GPR180: variants seen among roughly 807,000 people sequenced by gnomAD.
GPR180 encodes G protein-coupled receptor 180.
A neutral mutation model predicts 52.6 loss-of-function variants in GPR180; 53 were observed. That is an observed-to-expected ratio of 1.01 (90% CI 0.81 to 1.27). GPR180 has a LOEUF of 1.27. Ranked by LOEUF, GPR180 falls within the 50% of genes most tolerant of loss-of-function variation. The pLI is 0.00. For synonymous variants in GPR180, 200 were observed against 193.1 expected (o/e 1.04, Z -0.30); for missense variants, 533 against 527.0 (o/e 1.01, Z -0.11).
Position 94,634,472 on chromosome 13 carries a change from T to C in GPR180, c.*7301T>C, listed in dbSNP as rs1890039261. The C allele has an allele frequency of 6.6e-6, 1 of 152,140 alleles. No homozygotes were observed. Among genetic ancestry groups the C allele is most frequent in the Non-Finnish European group, 1.5e-5 (1 of 68,012 alleles). 9.4% of individuals were successfully genotyped at this position (152,140 alleles called of 1,614,324 possible). On this transcript the variant is annotated 3_prime_UTR_variant, in exon 9 of 9. Transcript: ENST00000376958. ...CAATCACCTTTTAAAGACTTCTTTA[T>C]ATAGCTCTTGTACATTTCTTGATAT...
rs1489648675 is a variant in GPR180, at chr13:94,631,690, C to A, written c.*4519C>A. The A allele has an allele frequency of 6.6e-6, 1 of 150,408 alleles. No homozygotes were observed. The highest frequency in any genetic ancestry group is 1.5e-5 in the Non-Finnish European group (1 of 67,786). The allele number at this position is 150,408 out of a possible 1,614,324, so 9.3% of individuals were successfully genotyped here. A position where few individuals can be genotyped will look rare whatever the true frequency, so the allele number is the denominator to read the frequency against. ...GAAAAAGTTCCAAATCTGTACTTAA[C>A]AGTGTAGTATTAATTATGTAATAGA... On this transcript the variant is annotated 3_prime_UTR_variant, in exon 9 of 9. Transcript: ENST00000376958.
At chr13:94,611,316 T>C (rs1470592757) in intron 2 of GPR180, among the ~76,000 whole-genome samples, 2 of 152,280 alleles carry the variant, frequency 1.3e-5, no homozygotes. Context: ...ATACATAGTT[T>C]TTAGATATAA....
rs773196550 is a variant in GPR180, at chr13:94,626,026, G to T, written c.1147G>T (p.Asp383Tyr). The stretch of plus-strand genomic sequence containing the variant: ...TGCATGCATTTCTGTCATTTTTAGC[G>T]ACTACCAAAGAGACAAGGTAAGAAA... Reference protein sequence around the residue: ...VLACISVIFSDYQRDKVITIG... With the variant: ...VLACISVIFSYYQRDKVITIG... The change falls in exon 8 of 9, where the codon GAC becomes TAC. Residue 383 changes from aspartate (D) to tyrosine (Y), a missense_variant. Transcript: ENST00000376958. The T allele has an allele frequency of 6.2e-7, 1 of 1,608,662 alleles. No individual in the cohort carries two copies.
intron 3 of GPR180, among the ~76,000 whole-genome samples, chr13:94,617,986 A>AAAAGATGGCAC (rs568923026): frequency 2.0e-5 from 3 of 152,210 alleles, no homozygotes; most frequent in African/African-American, 7.2e-5. Flanking sequence ...ATGGAGACTC[A>AAAAGATGGCAC]GTCAAAAGAT....
intron 3 of GPR180, among the ~76,000 whole-genome samples, chr13:94,615,209 T>C (rs1373982860): frequency 1.3e-5 from 2 of 152,226 alleles, no homozygotes; most frequent in Non-Finnish European, 2.9e-5. Context: ...TGTTTTAAAA[T>C]ACAGCCTTAA....
At chr13:94,619,829 T>G (rs1197026060) in intron 5 of GPR180, among the ~76,000 whole-genome samples, 1 of 152,168 alleles carries the variant, frequency 6.6e-6, no homozygotes, top group Non-Finnish European at 1.5e-5. Context: ...GTGATCCTCC[T>G]GCCTCAGGCC....
rs748137363 is a variant in GPR180 at position 94,601,986 on chromosome 13, G to A, written c.59G>A (p.Ser20Asn). 1.3e-6 allele frequency: 2 copies of A among 1,495,262 alleles called. No individual in the cohort carries two copies. The highest frequency in any genetic ancestry group is 1.8e-6 in the Non-Finnish European group (2 of 1,127,886). The allele number at this position is 1,495,262 out of a possible 1,614,324, so 92.6% of individuals were successfully genotyped here. Residue 20 changes from serine (S) to asparagine (N), a missense_variant, in exon 1 of 9, where the codon AGC (serine) becomes AAC (asparagine). Ser to Asn is a conservative substitution (Grantham distance 46, BLOSUM62 1). Transcript: ENST00000376958. The stretch of plus-strand genomic sequence containing the variant: ...ACGTGCTGCTGGTGGCCGCAGGGCA[G>A]CCAGGGTAAGACCCTGCGGGGCAGC... The part of the protein sequence containing the change: ...ALTCCWWPQG[S>N]QGKTLRGSFS...
intron 3 of GPR180, 50 bp downstream of exon 3, chr13:94,612,440 A>G (rs1889720339): frequency 7.7e-7 from 1 of 1,304,618 alleles, no homozygotes. Context: ...AGATTTATGT[A>G]CAAATATATT....
intron 1 of GPR180, among the ~76,000 whole-genome samples, chr13:94,603,082 A>AT (rs56263700): frequency 0.28 from 40,840 of 147,948 alleles, 5,936 homozygotes; most frequent in Non-Finnish European, 0.34. Context: ...AGGGATCCTG[A>AT]TTTTTTTTTT....
rs773857219 is a variant in GPR180 at position 94,631,414 on chromosome 13, G to A, written c.*4243G>A. ...ATGTGTATGTGTATTAGATCCTAGT[G>A]GTTCTTTTCTGATCAGACCCTGATT... On this transcript the variant is annotated 3_prime_UTR_variant, in exon 9 of 9. Coordinates refer to ENST00000376958, the MANE Select transcript of GPR180 (RefSeq NM_180989.6). The A allele has an allele frequency of 6.6e-6, 1 of 151,486 alleles. No homozygotes were observed. Among genetic ancestry groups the A allele is most frequent in the Non-Finnish European group, 1.5e-5 (1 of 67,900 alleles). 9.4% of individuals were successfully genotyped at this position (151,486 alleles called of 1,614,324 possible).
chr13:94,626,995 C>T lies in GPR180; in HGVS notation c.1165-18C>T. ...ATTTCTGCATGTAGTAAAAGCATTC[C>T]TTTCCTTTTCTTTTCAGGTTATTAC... On this transcript the variant is annotated intron_variant, in intron 8 of 8. Coordinates refer to ENST00000376958, the MANE Select transcript of GPR180 (RefSeq NM_180989.6). The T allele has an allele frequency of 1.3e-6, 2 of 1,553,558 alleles. No homozygotes were observed. The highest frequency in any genetic ancestry group is 1.2e-5 in the South Asian group (1 of 81,856).
At chr13:94,604,321 G>A (rs1252366555) in intron 1 of GPR180, among the ~76,000 whole-genome samples, 13 of 145,142 alleles carry the variant, frequency 9.0e-5, no homozygotes, top group African/African-American at 2.1e-4. Context: ...GCAATAGGGC[G>A]AGAATATGTC....
Position 94,609,752 on chromosome 13 carries a change from GT to G in GPR180, c.305-2425del, listed in dbSNP as rs78739238. Among the ~76,000 whole-genome samples the G allele has an allele frequency of 1.6e-3, 220 of 140,700 alleles. 1 individual carries two copies. Among genetic ancestry groups the G allele is most frequent in the Admixed American group, 4.2e-3 (59 of 14,058 alleles). The allele number at this position is 140,700 out of a possible 152,430, so 92.3% of individuals were successfully genotyped here. A position where few individuals can be genotyped will look rare whatever the true frequency, so the allele number is the denominator to read the frequency against. ...ACATTTTTCCAGAAACTGTATGTGTGTTTTTTTTTTTTTAAAGGTAGTTTAA... is the reference window on the plus strand; with the variant it reads ...ACATTTTTCCAGAAACTGTATGTGTGTTTTTTTTTTTTAAAGGTAGTTTAA... On this transcript the variant is annotated intron_variant, in intron 2 of 8. Coordinates refer to ENST00000376958, the MANE Select transcript of GPR180 (RefSeq NM_180989.6).
rs1047358016 is a variant in GPR180, at chr13:94,631,143, C to T, written c.*3972C>T. 1 of 152,190 alleles carries T rather than the reference C, an allele frequency of 6.6e-6. No homozygotes were observed. Among genetic ancestry groups the T allele is most frequent in the African/African-American group, 2.4e-5 (1 of 41,440 alleles). The allele number at this position is 152,190 out of a possible 1,614,324, so 9.4% of individuals were successfully genotyped here. On this transcript the variant is annotated 3_prime_UTR_variant, in exon 9 of 9. Coordinates refer to ENST00000376958, the MANE Select transcript of GPR180 (RefSeq NM_180989.6). ...TCCTGGGCCAGGTGTGCGTTTTACT[C>T]TGACAAAGGGTGCCAGCTTCTGCTG...
At chr13:94,610,854 C>G (rs1321982344) in intron 2 of GPR180, among the ~76,000 whole-genome samples, 1 of 152,120 alleles carries the variant, frequency 6.6e-6, no homozygotes, top group African/African-American at 2.4e-5. Context: ...AAAAACTATC[C>G]CCTCACATTT....
In GPR180 at chr13:94,631,209, G is replaced by A. The variant is rs563533978; in HGVS notation, c.*4038G>A. On this transcript the variant is annotated 3_prime_UTR_variant, in exon 9 of 9. Transcript: ENST00000376958. ...CACACTGGAGGATTAGAGGCAGGGA[G>A]AGACCTGTATGGCTTCCAGTCCATC... 6.6e-6 allele frequency: 1 copy of A among 152,256 alleles called. No individual in the cohort carries two copies. The highest frequency in any genetic ancestry group is 1.9e-4 in the East Asian group (1 of 5,138). 9.4% of individuals were successfully genotyped at this position (152,256 alleles called of 1,614,324 possible). A position where few individuals can be genotyped will look rare whatever the true frequency, so the allele number is the denominator to read the frequency against.
At position 94,631,244 on chromosome 13, in the gene GPR180, TC is replaced by T. The variant is rs1889992334; in HGVS notation, c.*4075del. On this transcript the variant is annotated 3_prime_UTR_variant, in exon 9 of 9. Transcript: ENST00000376958. ...TGGCTTCCAGTCCATCCTCACAAGT[TC>T]CACTCAGTTCCCACAGGTTCTACTC... 1 of 152,140 alleles carries T rather than the reference TC, an allele frequency of 6.6e-6. No individual in the cohort carries two copies. The highest frequency in any genetic ancestry group is 1.5e-5 in the Non-Finnish European group (1 of 68,060). The allele number at this position is 152,140 out of a possible 1,614,324, so 9.4% of individuals were successfully genotyped here.
At position 94,623,138 on chromosome 13, in the gene GPR180, A is replaced by ACAGACT; in HGVS notation, c.924_925insCAGACT (p.Glu308_Asp309insGlnThr). On this transcript the variant is annotated inframe_insertion, in exon 7 of 9. Transcript: ENST00000376958. ...TTTTGCTACTTTGGGAACAGTTTGA[A>ACAGACT]GATATCAGTCATCATAGCTACCATT... 6.2e-7 allele frequency: 1 copy of ACAGACT among 1,613,716 alleles called. No homozygotes were observed. Among genetic ancestry groups the ACAGACT allele is most frequent in the Non-Finnish European group, 8.5e-7 (1 of 1,179,836 alleles).
Position 94,628,774 on chromosome 13 carries a change from G to A in GPR180, c.*1603G>A, listed in dbSNP as rs1352919189. The A allele has an allele frequency of 6.6e-6, 1 of 151,988 alleles. No individual in the cohort carries two copies. The highest frequency in any genetic ancestry group is 1.5e-5 in the Non-Finnish European group (1 of 67,930). 9.4% of individuals were successfully genotyped at this position (151,988 alleles called of 1,614,324 possible). ...TTTAGGTATACATGATCGTCTGAGT[G>A]GTCATAACCTTTTCTTTTATCATGT... On this transcript the variant is annotated 3_prime_UTR_variant, in exon 9 of 9. Transcript: ENST00000376958.
Sources: gnomAD v4.1 joint callset for allele counts (sites outside exome capture counted in the v4.1 genomes callset) on GRCh38, gnomAD v4.1.1 for gene constraint, MANE v1.5 for transcripts, NCBI Gene and HGNC (gene_info 2026-07-23, HGNC 2026-07-21) for gene names.